The following SLC24A4 variants were observed in gnomAD, a reference collection of about 807,000 sequenced individuals.
SLC24A4 encodes the protein solute carrier family 24 member 4.
In SLC24A4, 53 loss-of-function variants were observed where a neutral mutation model predicts 79.0. That is an observed-to-expected ratio of 0.67 (90% confidence interval 0.54 to 0.84). The LOEUF is 0.84. Ranked by LOEUF, SLC24A4 falls within the 40% of genes least tolerant of loss-of-function variation. The pLI is 0.00. For missense variants in SLC24A4, 731 were observed against 822.0 expected, an observed-to-expected ratio of 0.89 and a Z score of 1.35; for synonymous variants, 323 against 323.8, an observed-to-expected ratio of 1.00 and a Z score of 0.03.
At chr14:92,336,262 G>A (rs1885798174) in intron 2 of SLC24A4, among the ~76,000 whole-genome samples, 1 of 152,210 alleles carries the variant, frequency 6.6e-6, no homozygotes, top group South Asian at 2.1e-4. Context: ...TTGAATACTT[G>A]AAAATGGATT....
chr14:92,435,527 A>G (rs1482955261), intron 3 of SLC24A4, among the ~76,000 whole-genome samples: 1 of 152,208 alleles, frequency 6.6e-6, no homozygotes, highest in Non-Finnish European at 1.5e-5. Flanking sequence ...TAGCTGGTCA[A>G]GGTTTGCTTC....
At chr14:92,427,421 C>T (rs529844300) in intron 2 of SLC24A4, among the ~76,000 whole-genome samples, 1 of 152,324 alleles carries the variant, frequency 6.6e-6, no homozygotes, top group African/African-American at 2.4e-5. Context: ...CCGTGCAGGG[C>T]CTTGAAGGCC....
intron 4 of SLC24A4, among the ~76,000 whole-genome samples, chr14:92,440,300 G>T (rs770608070): frequency 6.6e-6 from 1 of 152,178 alleles, no homozygotes; most frequent in Non-Finnish European, 1.5e-5. Context: ...CCATCCAGAC[G>T]CTTGTCAGTG....
At chr14:92,374,222 C>T (rs1888369993) in intron 2 of SLC24A4, among the ~76,000 whole-genome samples, 1 of 152,168 alleles carries the variant, frequency 6.6e-6, no homozygotes, top group Non-Finnish European at 1.5e-5. Flanking sequence ...TGACTGTTAC[C>T]TCACCGTTCC....
intron 2 of SLC24A4, among the ~76,000 whole-genome samples, chr14:92,399,427 A>G (rs567728504): frequency 1.3e-5 from 2 of 152,308 alleles, no homozygotes; most frequent in South Asian, 2.1e-4. Flanking sequence ...AAATGAGGAA[A>G]AGCTGTTGGA....
intron 14 of SLC24A4, among the ~76,000 whole-genome samples, chr14:92,487,428 TA>T (rs1479683047): frequency 8.3e-6 from 1 of 120,948 alleles, no homozygotes; most frequent in Non-Finnish European, 1.8e-5. Context: ...AATAATGGCG[TA>T]AAATCTCACA....
chr14:92,395,919 G>A (rs1889747463), intron 2 of SLC24A4, among the ~76,000 whole-genome samples: 2 of 152,182 alleles, frequency 1.3e-5, no homozygotes, highest in African/African-American at 4.8e-5. Flanking sequence ...TCCGCCTGCT[G>A]GGTTCAAGTG....
intron 2 of SLC24A4, among the ~76,000 whole-genome samples, chr14:92,345,328 G>A (rs182350277): frequency 1.3e-5 from 2 of 152,298 alleles, no homozygotes; most frequent in African/African-American, 4.8e-5. Flanking sequence ...ACCCTTCTGC[G>A]CCTCTGTTTC....
intron 12 of SLC24A4, among the ~76,000 whole-genome samples, chr14:92,478,534 C>A (rs940484551): frequency 6.6e-6 from 1 of 152,064 alleles, no homozygotes; most frequent in African/African-American, 2.4e-5. Flanking sequence ...CCTTAAATAT[C>A]TGGGTTTATT....
chr14:92,439,538 AG>A, intron 4 of SLC24A4, 129 bp downstream of exon 4: 2 of 838,942 alleles, frequency 2.4e-6, no homozygotes, highest in Non-Finnish European at 4.0e-6. Context: ...CCGAGCACTT[AG>A]TGTCTGCCCC....
chr14:92,467,243 C>T (rs529811788), intron 12 of SLC24A4, among the ~76,000 whole-genome samples: 1 of 152,264 alleles, frequency 6.6e-6, no homozygotes, highest in East Asian at 1.9e-4. Context: ...AAGGTTGGTT[C>T]AACATACAAA....
At chr14:92,343,659 T>TCCTC (rs1886344259) in intron 2 of SLC24A4, among the ~76,000 whole-genome samples, 1 of 119,188 alleles carries the variant, frequency 8.4e-6, no homozygotes, top group Non-Finnish European at 1.7e-5. Context: ...CTTCTTTCCT[T>TCCTC]CCTTCCTTCC....
chr14:92,362,177 C>A (rs1305982181), intron 2 of SLC24A4, among the ~76,000 whole-genome samples: 2 of 151,422 alleles, frequency 1.3e-5, no homozygotes, highest in African/African-American at 4.8e-5. Context: ...CTCTGTCTAA[C>A]CCCGGCCTGA....
At chr14:92,403,031 T>C (rs1231400369) in intron 2 of SLC24A4, among the ~76,000 whole-genome samples, 3 of 152,140 alleles carry the variant, frequency 2.0e-5, no homozygotes, top group Admixed American at 2.0e-4. Flanking sequence ...CAAGGACCCA[T>C]GCTTCTTCTG....
intron 2 of SLC24A4, among the ~76,000 whole-genome samples, chr14:92,381,055 A>G (rs746613452): frequency 2.0e-5 from 3 of 152,172 alleles, no homozygotes; most frequent in African/African-American, 4.8e-5. Flanking sequence ...CAGAAATACC[A>G]TCTGACCCAG....
At chr14:92,359,350 C>T (rs188462218) in intron 2 of SLC24A4, among the ~76,000 whole-genome samples, 8 of 152,122 alleles carry the variant, frequency 5.3e-5, no homozygotes, top group Middle Eastern at 3.4e-3. Flanking sequence ...CCAAGGCAGG[C>T]GGATCATGAG....
chr14:92,488,797 G>A (rs1260385163), intron 14 of SLC24A4, among the ~76,000 whole-genome samples: 2 of 152,230 alleles, frequency 1.3e-5, no homozygotes, highest in South Asian at 2.1e-4. Context: ...CAGATGACAA[G>A]TTCATCCCTA....
intron 2 of SLC24A4, among the ~76,000 whole-genome samples, chr14:92,350,976 A>T (rs572371300): frequency 2.4e-4 from 36 of 151,594 alleles, no homozygotes; most frequent in Admixed American, 1.1e-3. Context: ...TACAGTAAGA[A>T]GTTAGCAATC....
At chr14:92,485,783 C>G (rs777504673) in intron 13 of SLC24A4, among the ~76,000 whole-genome samples, 13 of 152,074 alleles carry the variant, frequency 8.5e-5, no homozygotes, top group Non-Finnish European at 1.9e-4. Context: ...TAAATCAGTT[C>G]TGCTAATTTT....
Sources: allele counts gnomAD v4.1 joint callset (sites outside exome capture counted in the v4.1 genomes callset), GRCh38; gene constraint gnomAD v4.1.1; transcripts MANE v1.5; gene names NCBI Gene and HGNC (gene_info 2026-07-23, HGNC 2026-07-21).